FABP12: variants seen among roughly 807,000 people sequenced by gnomAD.
FABP12 encodes fatty acid binding protein 12.
A neutral mutation model predicts 13.7 loss-of-function variants in FABP12; 19 were observed. The observed-to-expected ratio is 1.39, with a 90% confidence interval of 0.97 to 2.04. The LOEUF (loss-of-function observed/expected upper bound fraction) is 2.04, where lower values mean the gene tolerates loss of function less well. Ranked by LOEUF, FABP12 falls within the 30% of genes most tolerant of loss-of-function variation. The pLI is 0.00. For synonymous variants in FABP12, 61 were observed against 57.0 expected (o/e 1.07, Z -0.32); for missense variants, 182 against 164.2 (o/e 1.11, Z -0.59).
At chr8:81,538,593 C>A (rs527470219), upstream of FABP12, among the ~76,000 whole-genome samples, 226 of 152,234 alleles carry the variant, frequency 1.5e-3, 1 homozygote, top group Admixed American at 1.8e-3. Flanking sequence ...CCTAGGGACA[C>A]CATGGATTGT....
intron 1 of FABP12, among the ~76,000 whole-genome samples, chr8:81,570,066 G>A (rs1192656639): frequency 6.6e-6 from 1 of 152,226 alleles, no homozygotes; most frequent in Non-Finnish European, 1.5e-5. Context: ...GCAGCTCCAG[G>A]TGCCAGCATT....
chr8:81,572,577 G>A (rs1405542677), intron 1 of FABP12, among the ~76,000 whole-genome samples: 1 of 152,174 alleles, frequency 6.6e-6, no homozygotes, highest in African/African-American at 2.4e-5. Flanking sequence ...CACCAGCAGT[G>A]TAGTAGTGTT....
intron 1 of FABP12, among the ~76,000 whole-genome samples, chr8:81,566,792 C>T (rs35902362): frequency 2.8e-3 from 421 of 152,152 alleles, no homozygotes; most frequent in Admixed American, 6.4e-3. Flanking sequence ...CAGTATAGTA[C>T]TGGAAGTCCT....
At chr8:81,582,176 A>ATG (rs1810174405) in intron 1 of FABP12, among the ~76,000 whole-genome samples, 1 of 127,526 alleles carries the variant, frequency 7.8e-6, no homozygotes, top group African/African-American at 3.0e-5. Context: ...AGGCTGGAGT[A>ATG]CAGTGGCATA....
chr8:81,541,508 G>A (rs1170982184), intron 1 of FABP12, among the ~76,000 whole-genome samples: 1 of 152,176 alleles, frequency 6.6e-6, no homozygotes, highest in East Asian at 1.9e-4. Context: ...TGACTGCTAA[G>A]TTTCTGAGCA....
chr8:81,554,026 G>A (rs1809567578), intron 1 of FABP12, among the ~76,000 whole-genome samples: 2 of 152,102 alleles, frequency 1.3e-5, no homozygotes, highest in South Asian at 4.1e-4. Flanking sequence ...GACCTATCCT[G>A]TAGCTTAAAT....
intron 1 of FABP12, among the ~76,000 whole-genome samples, chr8:81,567,560 G>C (rs574087327): frequency 3.3e-5 from 5 of 152,174 alleles, no homozygotes; most frequent in Non-Finnish European, 7.4e-5. Context: ...TTGGAGAAAA[G>C]ACAGTCTCTT....
intron 1 of FABP12, among the ~76,000 whole-genome samples, chr8:81,564,338 T>C (rs973435255): frequency 6.6e-6 from 1 of 152,034 alleles, no homozygotes. Context: ...CATCTGAAGG[T>C]ATAAAATTCA....
At chr8:81,546,694 T>C (rs1253335939) in intron 1 of FABP12, among the ~76,000 whole-genome samples, 1 of 152,132 alleles carries the variant, frequency 6.6e-6, no homozygotes. Context: ...AATTTCAAAA[T>C]ATAATTTAAG....
intron 1 of FABP12, among the ~76,000 whole-genome samples, chr8:81,550,580 G>A (rs1272351770): frequency 1.3e-5 from 2 of 152,112 alleles, no homozygotes; most frequent in African/African-American, 4.8e-5. Context: ...GTAAGGATAT[G>A]GTGAGTGAAA....
chr8:81,530,493 A>G (rs1809039314), intron 2 of FABP12, among the ~76,000 whole-genome samples: 1 of 152,228 alleles, frequency 6.6e-6, no homozygotes, highest in Non-Finnish European at 1.5e-5. Flanking sequence ...TAGAAATAGC[A>G]TTACATATAC....
chr8:81,554,988 A>G (rs1344926205), intron 1 of FABP12, among the ~76,000 whole-genome samples: 1 of 152,102 alleles, frequency 6.6e-6, no homozygotes, highest in African/African-American at 2.4e-5. Flanking sequence ...AGCATTCGAG[A>G]TGGAATGAGG....
chr8:81,527,604 T>C (rs1049075822), intron 3 of FABP12, among the ~76,000 whole-genome samples: 2 of 152,188 alleles, frequency 1.3e-5, no homozygotes, highest in Non-Finnish European at 2.9e-5. Flanking sequence ...CCTTGTGATC[T>C]GCCCACATTG....
chr8:81,575,797 C>G (rs1585858290), intron 1 of FABP12, among the ~76,000 whole-genome samples: 1 of 152,148 alleles, frequency 6.6e-6, no homozygotes, highest in Non-Finnish European at 1.5e-5. Context: ...TCAGTGGCAG[C>G]ATTAGATTCT....
At chr8:81,563,369 A>G (rs1809757849) in intron 1 of FABP12, among the ~76,000 whole-genome samples, 1 of 152,214 alleles carries the variant, frequency 6.6e-6, no homozygotes, top group Non-Finnish European at 1.5e-5. Flanking sequence ...CCAATTCTCC[A>G]ATGCCCAGAT....
intron 1 of FABP12, among the ~76,000 whole-genome samples, chr8:81,540,154 C>T (rs2129984036): frequency 6.6e-6 from 1 of 152,334 alleles, no homozygotes; most frequent in Middle Eastern, 3.4e-3. Context: ...GCGGCATCAC[C>T]ATCACCAAAG....
intron 1 of FABP12, among the ~76,000 whole-genome samples, chr8:81,569,250 T>C (rs1454333158): frequency 6.6e-6 from 1 of 152,192 alleles, no homozygotes. Context: ...TATACCCACA[T>C]AAAAATTTTT....
In FABP12 at chr8:81,531,306, G is replaced by A; in HGVS notation, c.10C>T (p.Gln4Ter). The change falls in exon 2 of 5, where the codon CAG (glutamine) becomes TAG (stop). Residue 4 changes from glutamine (Q) to a stop codon, truncating the protein, a stop_gained. Transcript: ENST00000360464. LOFTEE classifies it high-confidence loss of function. ...ATGGACTTCCATGTTCCTTGGAGCT[G>A]GTCAATCATTCTGTCTGAGATAAGT... 6.2e-7 allele frequency: 1 copy of A among 1,600,540 alleles called. No individual in the cohort carries two copies. Among genetic ancestry groups the A allele is most frequent in the Non-Finnish European group, 8.5e-7 (1 of 1,173,044 alleles).
At chr8:81,588,345 T>C (rs1358404719) in intron 1 of FABP12, among the ~76,000 whole-genome samples, 2 of 152,224 alleles carry the variant, frequency 1.3e-5, no homozygotes, top group Non-Finnish European at 2.9e-5. Flanking sequence ...ATGCCTGTTA[T>C]TTCTTTCTCT....
Sources: allele counts gnomAD v4.1 joint callset (sites outside exome capture counted in the v4.1 genomes callset), GRCh38; gene constraint gnomAD v4.1.1; transcripts MANE v1.5; gene names NCBI Gene and HGNC (gene_info 2026-07-23, HGNC 2026-07-21).